VGLL3: variants seen among roughly 807,000 people sequenced by gnomAD.
The protein encoded by VGLL3 is vestigial like family member 3, also known as transcription cofactor vestigial-like protein 3.
VGLL3 carries 18 observed loss-of-function variants against 29.2 expected under a neutral mutation model. The observed-to-expected ratio is 0.62, with a 90% CI of 0.43 to 0.91. The LOEUF (loss-of-function observed/expected upper bound fraction) is 0.91. VGLL3 is among the 40% of genes least tolerant of loss of function. The pLI, the probability that VGLL3 is intolerant of heterozygous loss-of-function variation, is 0.00. For missense variants in VGLL3, 440 were observed against 413.2 expected (o/e 1.06, Z -0.56); for synonymous variants, 180 against 151.8 (o/e 1.19, Z -1.36).
At chr3:86,953,766 T>G (rs1007498531) in intron 3 of VGLL3, among the ~76,000 whole-genome samples, 1 of 152,194 alleles carries the variant, frequency 6.6e-6, no homozygotes, top group African/African-American at 2.4e-5. Flanking sequence ...CTAGTTGATT[T>G]TTAAATGCTT....
chr3:86,991,040 C>A lies in VGLL3; in HGVS notation c.-297G>T. The A allele has an allele frequency of 1.5e-6, 1 of 675,716 alleles. No homozygotes were observed. Among genetic ancestry groups the A allele is most frequent in the Non-Finnish European group, 1.8e-6 (1 of 543,318 alleles). The allele number at this position is 675,716 out of a possible 1,614,324, so 41.9% of individuals were successfully genotyped here. A position where few individuals can be genotyped will look rare whatever the true frequency, so the allele number is the denominator to read the frequency against. On this transcript the variant is annotated 5_prime_UTR_variant, in exon 1 of 4. Coordinates refer to ENST00000398399, the MANE Select transcript of VGLL3 (RefSeq NM_016206.4). ...CGCCCGCTGCGCCGCTGGGGCATTA[C>A]CGCGTCCGGCTCCCGCGAGGGCTGC...
chr3:86,986,974 G>GA (rs939215817), intron 1 of VGLL3, among the ~76,000 whole-genome samples: 6 of 151,588 alleles, frequency 4.0e-5, no homozygotes, highest in Admixed American at 2.6e-4. Context: ...ATCTTCATTA[G>GA]AAAAAAAATT....
At position 86,946,779 on chromosome 3, in the gene VGLL3, A is replaced by C. The variant is rs1704516086; in HGVS notation, c.*245T>G. 1 of 404,594 alleles carries C rather than the reference A, an allele frequency of 2.5e-6. No individual in the cohort carries two copies. The allele number at this position is 404,594 out of a possible 1,614,324, so 25.1% of individuals were successfully genotyped here. ...ATATTGATAAAAGCAAGATAACAAA[A>C]GGAGAGAGTTGCACAGTTGGCAAAG... On this transcript the variant is annotated 3_prime_UTR_variant, in exon 4 of 4. Coordinates refer to ENST00000398399, the MANE Select transcript of VGLL3 (RefSeq NM_016206.4).
rs1253340856 is a variant in VGLL3 at position 86,943,548 on chromosome 3, C to T, written c.*3476G>A. On this transcript the variant is annotated 3_prime_UTR_variant, in exon 4 of 4. Transcript: ENST00000398399. ...CTTATAAAGTTAAAGAAATAAATCC[C>T]TCAATTATTTGCAATCCACTCCTCA... The T allele has an allele frequency of 2.0e-5, 3 of 151,792 alleles. No individual in the cohort carries two copies. The highest frequency in any genetic ancestry group is 1.9e-4 in the East Asian group (1 of 5,180). 9.4% of individuals were successfully genotyped at this position (151,792 alleles called of 1,614,324 possible).
chr3:86,983,757 A>G (rs1336604104), intron 1 of VGLL3, among the ~76,000 whole-genome samples: 2 of 152,212 alleles, frequency 1.3e-5, no homozygotes, highest in Non-Finnish European at 2.9e-5. Context: ...AGGTCAAGTT[A>G]TATGAGGTTG....
chr3:86,970,367 G>T (rs1340927016), intron 2 of VGLL3, among the ~76,000 whole-genome samples: 2 of 151,978 alleles, frequency 1.3e-5, no homozygotes, highest in African/African-American at 4.8e-5. Context: ...AGAGAGCCCC[G>T]ACCCAGCTTA....
At chr3:86,951,097 A>G (rs1217824165) in intron 3 of VGLL3, among the ~76,000 whole-genome samples, 1 of 152,124 alleles carries the variant, frequency 6.6e-6, no homozygotes, top group Non-Finnish European at 1.5e-5. Context: ...AAAAAAAAAG[A>G]CACCCACCAC....
intron 2 of VGLL3, 34 bp downstream of exon 2, chr3:86,978,492 G>T: frequency 6.2e-7 from 1 of 1,603,674 alleles, no homozygotes; most frequent in Middle Eastern, 1.7e-4. Flanking sequence ...AACAAAGACA[G>T]TGCCCTGGAG....
At chr3:86,966,060 G>T (rs1704951654) in intron 3 of VGLL3, among the ~76,000 whole-genome samples, 1 of 152,042 alleles carries the variant, frequency 6.6e-6, no homozygotes, top group Admixed American at 6.6e-5. Flanking sequence ...ACCACATATG[G>T]CTCAGCCCCT....
At chr3:86,955,901 G>T (rs546476364) in intron 3 of VGLL3, among the ~76,000 whole-genome samples, 76 of 152,238 alleles carry the variant, frequency 5.0e-4, no homozygotes, top group African/African-American at 1.8e-3. Context: ...CAGCATATCA[G>T]ACTGTAACCC....
chr3:86,968,893 T>A lies in VGLL3; in HGVS notation c.634A>T (p.Thr212Ser). The change falls in exon 3 of 4, where the codon ACA (threonine) becomes TCA (serine). Residue 212 changes from threonine to serine, a missense_variant. Physicochemically the swap from Thr to Ser is moderately conservative, Grantham distance 58. Coordinates refer to ENST00000398399, the MANE Select transcript of VGLL3 (RefSeq NM_016206.4). ...AVSESWPYPL[T>S]SQVSPSYSHM... ...CTGTAGGATGGGCTCACCTGAGATG[T>A]CAAAGGATAAGGCCAGGACTCAGAC... is the stretch of plus-strand genomic sequence containing the variant. The A allele has an allele frequency of 6.2e-7, 1 of 1,613,960 alleles. No homozygotes were observed. The highest frequency in any genetic ancestry group is 2.2e-5 in the East Asian group (1 of 44,852).
rs1034456178 is a variant in VGLL3, at chr3:86,980,662, A to G, written c.127-1860T>C. 4.6e-5 allele frequency among the ~76,000 whole-genome samples: 7 copies of G among 152,268 alleles called. No homozygotes were observed. In the South Asian group the frequency reaches 1.2e-3, roughly 27 times the overall value. On this transcript the variant is annotated intron_variant, in intron 1 of 3. Coordinates refer to ENST00000398399, the MANE Select transcript of VGLL3 (RefSeq NM_016206.4). ...GAGGGAATCGAACTAAATAACCTCT[A>G]AAACTATTCCTAGTTTTAAATTCCA...
At position 86,945,115 on chromosome 3, in the gene VGLL3, G is replaced by T. The variant is rs187633954; in HGVS notation, c.*1909C>A. On this transcript the variant is annotated 3_prime_UTR_variant, in exon 4 of 4. Coordinates refer to ENST00000398399, the MANE Select transcript of VGLL3 (RefSeq NM_016206.4). ...AGTTCATATTATTAGTGAGTGGAAG[G>T]TATCTTAAATTTGGACCCCACAATG... The T allele has an allele frequency of 1.3e-5, 2 of 152,254 alleles. No homozygotes were observed. Among genetic ancestry groups the T allele is most frequent in the Non-Finnish European group, 2.9e-5 (2 of 68,024 alleles). 9.4% of individuals were successfully genotyped at this position (152,254 alleles called of 1,614,324 possible).
intron 3 of VGLL3, among the ~76,000 whole-genome samples, chr3:86,968,127 C>G (rs139449297): frequency 7.2e-4 from 110 of 152,118 alleles, no homozygotes; most frequent in African/African-American, 2.5e-3. Flanking sequence ...TTCCCTAATT[C>G]TTGTTCAAAA....
At chr3:86,967,798 A>T (rs578215313) in intron 3 of VGLL3, among the ~76,000 whole-genome samples, 1 of 152,314 alleles carries the variant, frequency 6.6e-6, no homozygotes, top group Admixed American at 6.5e-5. Flanking sequence ...TACTATTAAT[A>T]TGACCAGTCT....
intron 1 of VGLL3, among the ~76,000 whole-genome samples, chr3:86,980,058 A>G (rs1705291225): frequency 6.6e-6 from 1 of 151,976 alleles, no homozygotes; most frequent in Non-Finnish European, 1.5e-5. Context: ...TATGAAATGT[A>G]TTATTCTAGT....
At position 86,991,006 on chromosome 3, in the gene VGLL3, G is replaced by C. The variant is rs1705575694; in HGVS notation, c.-263C>G. 1.1e-6 allele frequency: 1 copy of C among 902,296 alleles called. No homozygotes were observed. The highest frequency in any genetic ancestry group is 1.8e-5 in the African/African-American group (1 of 55,988). 55.9% of individuals were successfully genotyped at this position (902,296 alleles called of 1,614,324 possible). A position where few individuals can be genotyped will look rare whatever the true frequency, so the allele number is the denominator to read the frequency against. ...CTGCCGCGCTTATATAGCGGCTCAG[G>C]GACGCAGCCGCCCGCTGCGCCGCTG... On this transcript the variant is annotated 5_prime_UTR_variant, in exon 1 of 4. Coordinates refer to ENST00000398399, the MANE Select transcript of VGLL3 (RefSeq NM_016206.4).
chr3:86,973,975 G>A (rs539621197), intron 2 of VGLL3, among the ~76,000 whole-genome samples: 3 of 152,040 alleles, frequency 2.0e-5, no homozygotes, highest in Non-Finnish European at 4.4e-5. Flanking sequence ...TCAGTGCATA[G>A]GCATATTTGA....
chr3:86,989,970 C>T (rs1177999354), intron 1 of VGLL3, among the ~76,000 whole-genome samples: 1 of 152,128 alleles, frequency 6.6e-6, no homozygotes, highest in Admixed American at 6.5e-5. Flanking sequence ...AACCTTTTGG[C>T]CGAGGGACCC....
Sources: gnomAD v4.1 joint callset for allele counts (sites outside exome capture counted in the v4.1 genomes callset) on GRCh38, gnomAD v4.1.1 for gene constraint, MANE v1.5 for transcripts, NCBI Gene and HGNC (gene_info 2026-07-23, HGNC 2026-07-21) for gene names.